NEMP2: variants seen among roughly 807,000 people sequenced by gnomAD.
NEMP2 encodes UPF0571 transmembrane protein.
In NEMP2, 53 loss-of-function variants were observed where a neutral mutation model predicts 54.2. The observed-to-expected ratio is 0.98, with a 90% CI of 0.78 to 1.23. The LOEUF is 1.23. Ranked by LOEUF, NEMP2 falls within the 50% of genes most tolerant of loss-of-function variation. NEMP2 has a pLI of 0.00. For synonymous variants in NEMP2, 197 were observed against 190.3 expected (o/e 1.04, Z -0.29); for missense variants, 455 against 511.3 (o/e 0.89, Z 1.06).
the NEMP2 span, among the ~76,000 whole-genome samples, chr2:190,429,608 C>G: frequency 6.6e-6 from 1 of 152,066 alleles, no homozygotes; most frequent in African/African-American, 2.4e-5. Context: ...AGCTACTGCA[C>G]CTAGCCAGAA....
chr2:190,444,084 C>T, the NEMP2 span, among the ~76,000 whole-genome samples: 1 of 152,044 alleles, frequency 6.6e-6, no homozygotes, highest in African/African-American at 2.4e-5. Context: ...AATGAGTAGT[C>T]TAATTAAGTT....
At chr2:190,602,278 C>T in the NEMP2 span, among the ~76,000 whole-genome samples, 1 of 152,146 alleles carries the variant, frequency 6.6e-6, no homozygotes, top group African/African-American at 2.4e-5. Context: ...TAAGAGTTAA[C>T]GTTACAGTCA....
chr2:190,526,202 T>C (rs945259133), intron 1 of NEMP2, among the ~76,000 whole-genome samples: 5 of 152,158 alleles, frequency 3.3e-5, no homozygotes, highest in African/African-American at 1.2e-4. Flanking sequence ...TCTAAAGGAA[T>C]GCAGTCACTG....
the NEMP2 span, among the ~76,000 whole-genome samples, chr2:190,446,228 A>G: frequency 4.6e-5 from 7 of 152,292 alleles, no homozygotes; most frequent in East Asian, 1.3e-3. Flanking sequence ...AGTTTTAATA[A>G]TCATAGAATT....
chr2:190,436,819 G>T, the NEMP2 span: 1 of 1,614,182 alleles, frequency 6.2e-7, no homozygotes, highest in East Asian at 2.2e-5. The surrounding 1 kb of genome is among the most constrained non-coding windows in gnomAD (Gnocchi z 5.3). Context: ...CACTGTTATT[G>T]TTACCACCAC....
chr2:190,550,631 A>G, the NEMP2 span, among the ~76,000 whole-genome samples: 1 of 152,202 alleles, frequency 6.6e-6, no homozygotes, highest in Non-Finnish European at 1.5e-5. The surrounding 1 kb of genome is among the most constrained non-coding windows in gnomAD (Gnocchi z 4.7). Flanking sequence ...CTTTTTTCAT[A>G]TCATCTCCCT....
chr2:190,461,601 G>A, the NEMP2 span, among the ~76,000 whole-genome samples: 66,316 of 152,024 alleles, frequency 0.44, 15,051 homozygotes, highest in East Asian at 0.6. This position sits in a 1 kb window ranked among gnomAD's most constrained non-coding sequence, Gnocchi z 5.5. Context: ...TAAAGGCCTC[G>A]TTCTCTGCCT....
chr2:190,488,399 G>T, the NEMP2 span, among the ~76,000 whole-genome samples: 1 of 152,176 alleles, frequency 6.6e-6, no homozygotes, highest in Non-Finnish European at 1.5e-5. This position sits in a 1 kb window ranked among gnomAD's most constrained non-coding sequence, Gnocchi z 6.4. Context: ...GTAAGTTATG[G>T]TTTAAGGGGT....
chr2:190,536,527 C>T (rs1691383053), upstream of NEMP2, among the ~76,000 whole-genome samples: 2 of 152,196 alleles, frequency 1.3e-5, no homozygotes, highest in South Asian at 4.1e-4. Flanking sequence ...GGGAAAGCCC[C>T]ACATCTAAGG....
At chr2:190,434,445 T>G in the NEMP2 span, among the ~76,000 whole-genome samples, 2 of 152,184 alleles carry the variant, frequency 1.3e-5, no homozygotes, top group Non-Finnish European at 2.9e-5. This position sits in a 1 kb window ranked among gnomAD's most constrained non-coding sequence, Gnocchi z 4.3. Flanking sequence ...TTTTATTTAT[T>G]TATTTTTTTG....
the NEMP2 span, chr2:190,443,000 CT>C: frequency 6.6e-6 from 1 of 152,146 alleles, no homozygotes; most frequent in African/African-American, 2.4e-5. Context: ...TGCTTTATTG[CT>C]TAAAGTAAGT....
chr2:190,450,976 T>C, the NEMP2 span, among the ~76,000 whole-genome samples: 1 of 152,238 alleles, frequency 6.6e-6, no homozygotes. Flanking sequence ...CCAGTGGTCC[T>C]TGGTTATAAC....
chr2:190,646,647 T>TA, the NEMP2 span: 2 of 152,218 alleles, frequency 1.3e-5, no homozygotes, highest in Admixed American at 6.5e-5. Flanking sequence ...GTGGGAAGAA[T>TA]ACACTATCTA....
the NEMP2 span, among the ~76,000 whole-genome samples, chr2:190,639,173 T>A: frequency 1.3e-5 from 2 of 152,166 alleles, no homozygotes; most frequent in Non-Finnish European, 2.9e-5. Context: ...TATTAACACA[T>A]TCAATTTTTT....
chr2:190,608,604 C>G, the NEMP2 span: 1 of 152,108 alleles, frequency 6.6e-6, no homozygotes, highest in African/African-American at 2.4e-5. The surrounding 1 kb of genome is among the most constrained non-coding windows in gnomAD (Gnocchi z 4.9). Flanking sequence ...GCATTGATCC[C>G]TACAGCAAGG....
At chr2:190,607,085 C>T in the NEMP2 span, among the ~76,000 whole-genome samples, 175 of 152,172 alleles carry the variant, frequency 1.2e-3, no homozygotes, top group East Asian at 3.3e-3. The surrounding 1 kb of genome is among the most constrained non-coding windows in gnomAD (Gnocchi z 5.2). Flanking sequence ...CAGCCCATGG[C>T]GGGTGCTGAA....
chr2:190,442,000 A>G, the NEMP2 span, among the ~76,000 whole-genome samples: 109,470 of 152,044 alleles, frequency 0.72, 40,037 homozygotes, highest in Admixed American at 0.8. Context: ...ATGGCAATTG[A>G]TACTGTGAAG....
chr2:190,422,298 T>A, the NEMP2 span, among the ~76,000 whole-genome samples: 2 of 152,298 alleles, frequency 1.3e-5, no homozygotes, highest in East Asian at 3.9e-4. Flanking sequence ...ACTAGACTGG[T>A]TGCCCTTCAA....
upstream of NEMP2, among the ~76,000 whole-genome samples, chr2:190,535,604 A>G (rs936602815): frequency 3.3e-5 from 5 of 152,244 alleles, no homozygotes; most frequent in Non-Finnish European, 7.3e-5. Flanking sequence ...CCAAAGTAAC[A>G]GAAATTATCC....
Sources: allele counts gnomAD v4.1 joint callset (sites outside exome capture counted in the v4.1 genomes callset), GRCh38; gene constraint gnomAD v4.1.1; non-coding constraint Gnocchi (gnomAD v3.1); transcripts MANE v1.5; gene names NCBI Gene and HGNC (gene_info 2026-07-23, HGNC 2026-07-21).